BANK1: variants seen among roughly 807,000 people sequenced by gnomAD.
BANK1 encodes B cell scaffold protein with ankyrin repeats 1, also known as B-cell scaffold protein with ankyrin repeats.
BANK1 carries 95 observed loss-of-function variants against 94.5 expected under a neutral mutation model. The ratio of observed to expected loss-of-function variants is 1.00; its 90% confidence interval spans 0.85 to 1.19. The LOEUF (loss-of-function observed/expected upper bound fraction) is 1.19. Among genes scored for constraint, BANK1 ranks in the 50% most tolerant of loss-of-function variants. The pLI, the probability that BANK1 is intolerant of heterozygous loss-of-function variation, is 0.00. For synonymous variants in BANK1, 334 were observed against 308.4 expected, an observed-to-expected ratio of 1.08 and a Z score of -0.87; for missense variants, 987 against 932.2, an observed-to-expected ratio of 1.06 and a Z score of -0.77.
intron 6 of BANK1, among the ~76,000 whole-genome samples, chr4:101,912,895 C>T (rs973531129): frequency 6.6e-6 from 1 of 152,116 alleles, no homozygotes; most frequent in African/African-American, 2.4e-5. Flanking sequence ...GTGCTCAAGA[C>T]TAAAAGGAAT....
At chr4:102,045,957 G>T (rs1727863683) in intron 11 of BANK1, among the ~76,000 whole-genome samples, 1 of 148,784 alleles carries the variant, frequency 6.7e-6, no homozygotes, top group African/African-American at 2.5e-5. Context: ...AAGTTCATAT[G>T]GAACCAAAAA....
intron 9 of BANK1, among the ~76,000 whole-genome samples, chr4:102,028,902 ATTTGTTTTTTT>A (rs1727190541): frequency 6.7e-6 from 1 of 150,272 alleles, no homozygotes; most frequent in Non-Finnish European, 1.5e-5. Context: ...TCTGTTTTTT[ATTTGTTTTTTT>A]TTTGTTTGTT....
At chr4:102,035,813 A>G (rs1467222281) in intron 10 of BANK1, among the ~76,000 whole-genome samples, 2 of 152,142 alleles carry the variant, frequency 1.3e-5, no homozygotes, top group Admixed American at 6.5e-5. Context: ...CTGTTTTCAG[A>G]TATATTTTCC....
At chr4:101,951,010 A>G (rs1351544614) in intron 7 of BANK1, among the ~76,000 whole-genome samples, 2 of 152,182 alleles carry the variant, frequency 1.3e-5, no homozygotes, top group Non-Finnish European at 2.9e-5. Flanking sequence ...AAAAGACATG[A>G]CAACCAAATG....
At chr4:101,841,183 TACTC>T (rs1349934744) in intron 2 of BANK1, among the ~76,000 whole-genome samples, 1 of 152,048 alleles carries the variant, frequency 6.6e-6, no homozygotes, top group Non-Finnish European at 1.5e-5. Flanking sequence ...ATAAAAATAA[TACTC>T]ATTGTAAAAA....
intron 7 of BANK1, among the ~76,000 whole-genome samples, chr4:102,020,426 T>G (rs1310902571): frequency 6.6e-6 from 1 of 151,998 alleles, no homozygotes; most frequent in Non-Finnish European, 1.5e-5. Flanking sequence ...ATAAAATGAG[T>G]TATTGCATCA....
At chr4:102,028,215 G>A (rs750305757) in intron 9 of BANK1, among the ~76,000 whole-genome samples, 1 of 152,146 alleles carries the variant, frequency 6.6e-6, no homozygotes, top group Non-Finnish European at 1.5e-5. Flanking sequence ...GACACATTCC[G>A]CTAAAAATGA....
intron 2 of BANK1, among the ~76,000 whole-genome samples, chr4:101,840,950 C>G (rs933799953): frequency 1.3e-5 from 2 of 152,158 alleles, no homozygotes; most frequent in Non-Finnish European, 2.9e-5. Flanking sequence ...CCTCAGCCTC[C>G]CAAGTAGCTA....
intron 5 of BANK1, among the ~76,000 whole-genome samples, chr4:101,875,225 G>T (rs770019348): frequency 6.6e-6 from 1 of 152,084 alleles, no homozygotes; most frequent in Non-Finnish European, 1.5e-5. Flanking sequence ...GTTTCTGTGT[G>T]TTGGGGAGAG....
intron 5 of BANK1, among the ~76,000 whole-genome samples, chr4:101,889,675 A>G (rs1721778041): frequency 6.6e-6 from 1 of 151,048 alleles, no homozygotes; most frequent in South Asian, 2.1e-4. Context: ...CATACTTTCA[A>G]TTTTGAGTTC....
At chr4:101,835,346 C>T (rs767246027) in intron 2 of BANK1, among the ~76,000 whole-genome samples, 2 of 152,184 alleles carry the variant, frequency 1.3e-5, no homozygotes, top group South Asian at 4.1e-4. Flanking sequence ...ACTCTGCCCC[C>T]GTCACTTCTG....
intron 4 of BANK1, among the ~76,000 whole-genome samples, chr4:101,864,062 C>T (rs939106431): frequency 5.9e-5 from 9 of 152,042 alleles, no homozygotes; most frequent in African/African-American, 2.2e-4. Context: ...GCCATGCTTC[C>T]AAGATATACC....
intron 5 of BANK1, among the ~76,000 whole-genome samples, chr4:101,873,104 G>A (rs143874671): frequency 1.5e-3 from 200 of 133,238 alleles, no homozygotes; most frequent in African/African-American, 5.9e-3. Context: ...TTCTTTCATG[G>A]GCTACTCAGC....
chr4:102,072,983 A>G (rs144953088), intron 15 of BANK1, among the ~76,000 whole-genome samples: 54 of 152,220 alleles, frequency 3.5e-4, no homozygotes, highest in African/African-American at 1.2e-3. Flanking sequence ...TATATAATGT[A>G]ACACACTTGC....
At chr4:101,973,107 G>C (rs931920886) in intron 7 of BANK1, among the ~76,000 whole-genome samples, 2 of 151,870 alleles carry the variant, frequency 1.3e-5, no homozygotes, top group African/African-American at 2.4e-5. Flanking sequence ...TAATAATAGA[G>C]TATTGTACAT....
intron 7 of BANK1, among the ~76,000 whole-genome samples, chr4:102,010,178 T>C (rs1284508245): frequency 6.6e-6 from 1 of 150,802 alleles, no homozygotes; most frequent in Non-Finnish European, 1.5e-5. Context: ...GGCAGGAGAA[T>C]GGCGTGAACC....
intron 7 of BANK1, among the ~76,000 whole-genome samples, chr4:101,920,299 A>G (rs1722961312): frequency 6.6e-6 from 1 of 151,986 alleles, no homozygotes; most frequent in African/African-American, 2.4e-5. Flanking sequence ...GCAGCACACC[A>G]ACATGGCACA....
At chr4:101,920,367 T>C in intron 7 of BANK1, among the ~76,000 whole-genome samples, 1 of 151,922 alleles carries the variant, frequency 6.6e-6, no homozygotes, top group East Asian at 1.9e-4. Context: ...ACTTAAAGTA[T>C]AATAAAAAAG....
intron 11 of BANK1, among the ~76,000 whole-genome samples, chr4:102,055,754 AAGAT>A (rs1209434390): frequency 6.6e-6 from 1 of 152,128 alleles, no homozygotes; most frequent in African/African-American, 2.4e-5. Flanking sequence ...ACCTATTAAA[AAGAT>A]AGAATAATGC....
Sources: allele counts gnomAD v4.1 joint callset (sites outside exome capture counted in the v4.1 genomes callset), GRCh38; gene constraint gnomAD v4.1.1; transcripts MANE v1.5; gene names NCBI Gene and HGNC (gene_info 2026-07-23, HGNC 2026-07-21).